DPP10: variants seen among roughly 807,000 people sequenced by gnomAD.
The protein encoded by DPP10 is inactive dipeptidyl peptidase 10.
DPP10 carries 33 observed loss-of-function variants against 120.9 expected under a neutral mutation model. The observed-to-expected ratio is 0.27, with a 90% CI of 0.21 to 0.37. The LOEUF is 0.37. Ranked by LOEUF, DPP10 falls within the 10% of genes least tolerant of loss-of-function variation. DPP10 has a pLI of 1.00. For missense variants in DPP10, 816 were observed against 942.8 expected, an observed-to-expected ratio of 0.87 and a Z score of 1.76; for synonymous variants, 337 against 326.1, an observed-to-expected ratio of 1.03 and a Z score of -0.36.
intron 1 of DPP10, among the ~76,000 whole-genome samples, chr2:114,702,632 A>T (rs769591216): frequency 9.9e-5 from 15 of 152,106 alleles, no homozygotes; most frequent in Non-Finnish European, 2.2e-4. Flanking sequence ...TGCCTATTTC[A>T]TTCCTCACTG....
intron 1 of DPP10, among the ~76,000 whole-genome samples, chr2:115,087,281 T>A (rs1400019428): frequency 6.6e-6 from 1 of 152,124 alleles, no homozygotes; most frequent in Non-Finnish European, 1.5e-5. Flanking sequence ...TTCAAGGAAG[T>A]GGTTGAAGGA....
At chr2:114,767,109 A>G (rs1056398683) in intron 1 of DPP10, among the ~76,000 whole-genome samples, 82 of 149,474 alleles carry the variant, frequency 5.5e-4, no homozygotes, top group Non-Finnish European at 1.0e-3. Context: ...ACTAGAAAAA[A>G]AAAAAAAAAA....
chr2:114,583,757 T>C (rs1162086344), intron 1 of DPP10, among the ~76,000 whole-genome samples: 2 of 152,194 alleles, frequency 1.3e-5, no homozygotes, highest in African/African-American at 2.4e-5. Context: ...CAAAACAACA[T>C]ATCTGCAAAG....
chr2:115,677,744 C>T (rs1050660936), intron 5 of DPP10, among the ~76,000 whole-genome samples: 1 of 152,030 alleles, frequency 6.6e-6, no homozygotes, highest in Non-Finnish European at 1.5e-5. Flanking sequence ...TGTATGTACC[C>T]AATACCATAG....
chr2:115,016,940 A>G (rs183933002), intron 1 of DPP10, among the ~76,000 whole-genome samples: 1 of 152,170 alleles, frequency 6.6e-6, no homozygotes, highest in East Asian at 1.9e-4. Context: ...TATCATTCTC[A>G]GTAAACTATC....
At chr2:115,153,801 T>C (rs1232852675) in intron 1 of DPP10, among the ~76,000 whole-genome samples, 1 of 152,222 alleles carries the variant, frequency 6.6e-6, no homozygotes, top group East Asian at 1.9e-4. Context: ...TGCATAAAAA[T>C]ACTTGTCTCT....
intron 1 of DPP10, among the ~76,000 whole-genome samples, chr2:114,974,907 C>T (rs1031768064): frequency 2.0e-5 from 3 of 151,586 alleles, no homozygotes; most frequent in East Asian, 1.9e-4. Context: ...AAAAATCTGT[C>T]GTATCCATAA....
chr2:115,320,776 T>G (rs931743266), intron 2 of DPP10, among the ~76,000 whole-genome samples: 2 of 152,118 alleles, frequency 1.3e-5, no homozygotes, highest in African/African-American at 2.4e-5. Context: ...CTGCCTTTTC[T>G]ATCTACCTAG....
chr2:114,653,290 G>T (rs1696741355), intron 1 of DPP10, among the ~76,000 whole-genome samples: 1 of 152,128 alleles, frequency 6.6e-6, no homozygotes, highest in South Asian at 2.1e-4. Flanking sequence ...AGGCAGAGAT[G>T]AGAGTGATGC....
At chr2:115,007,510 C>T (rs1054438607) in intron 1 of DPP10, among the ~76,000 whole-genome samples, 1 of 151,044 alleles carries the variant, frequency 6.6e-6, no homozygotes, top group South Asian at 2.1e-4. Flanking sequence ...CCTTTGAAAA[C>T]TGGCACAAGA....
At chr2:115,058,606 G>A (rs1706138602) in intron 1 of DPP10, among the ~76,000 whole-genome samples, 1 of 152,090 alleles carries the variant, frequency 6.6e-6, no homozygotes, top group Admixed American at 6.5e-5. Flanking sequence ...CGCCATGTTG[G>A]CAAGGCTGGT....
intron 1 of DPP10, among the ~76,000 whole-genome samples, chr2:115,058,884 T>C (rs1220947672): frequency 6.6e-6 from 1 of 152,166 alleles, no homozygotes; most frequent in African/African-American, 2.4e-5. Flanking sequence ...CGACACATCT[T>C]CTCCCATGAT....
intron 1 of DPP10, among the ~76,000 whole-genome samples, chr2:114,533,439 A>G (rs1272019511): frequency 1.3e-5 from 2 of 152,058 alleles, no homozygotes; most frequent in Admixed American, 6.6e-5. Flanking sequence ...AGGGAGGGGA[A>G]CAACACACAC....
intron 5 of DPP10, among the ~76,000 whole-genome samples, chr2:115,571,693 C>CTT (rs11462795): frequency 0.021 from 2,509 of 117,040 alleles, 77 homozygotes; most frequent in African/African-American, 0.068. Flanking sequence ...GTTGTTGTTC[C>CTT]TTTTTTTTTT....
intron 1 of DPP10, among the ~76,000 whole-genome samples, chr2:115,216,421 T>C (rs1445914224): frequency 6.6e-6 from 1 of 152,196 alleles, no homozygotes; most frequent in African/African-American, 2.4e-5. Flanking sequence ...AACATTTCAG[T>C]GACTGATTTT....
chr2:114,622,006 T>G (rs1694127684), intron 1 of DPP10, among the ~76,000 whole-genome samples: 1 of 151,804 alleles, frequency 6.6e-6, no homozygotes, highest in African/African-American at 2.4e-5. Flanking sequence ...AATGAGGCAT[T>G]TACACATTCA....
intron 2 of DPP10, among the ~76,000 whole-genome samples, chr2:115,331,305 G>C (rs1343036069): frequency 2.0e-5 from 3 of 152,186 alleles, no homozygotes; most frequent in Admixed American, 2.0e-4. Context: ...TTGCTTATCA[G>C]CTTAAGGAGA....
At chr2:115,544,993 C>A (rs1390717587) in intron 5 of DPP10, among the ~76,000 whole-genome samples, 1 of 151,860 alleles carries the variant, frequency 6.6e-6, no homozygotes, top group Non-Finnish European at 1.5e-5. Flanking sequence ...GGGATAGTTA[C>A]CGAGAAATGA....
chr2:114,951,561 C>T (rs1363234868), intron 1 of DPP10, among the ~76,000 whole-genome samples: 1 of 152,064 alleles, frequency 6.6e-6, no homozygotes, highest in Non-Finnish European at 1.5e-5. Context: ...TTGTAAAACA[C>T]CCTAAAGCTA....
Sources: gnomAD v4.1 joint callset for allele counts (sites outside exome capture counted in the v4.1 genomes callset) on GRCh38, gnomAD v4.1.1 for gene constraint, MANE v1.5 for transcripts, NCBI Gene and HGNC (gene_info 2026-07-23, HGNC 2026-07-21) for gene names.